The following USP7 variants were observed in gnomAD, a reference collection of about 807,000 sequenced individuals.
USP7 encodes the protein ubiquitin C-terminal hydrolase 7.
USP7 carries 9 observed loss-of-function variants against 162.9 expected under a neutral mutation model. The ratio of observed to expected loss-of-function variants is 0.06; its 90% CI spans 0.03 to 0.10. The LOEUF (loss-of-function observed/expected upper bound fraction) is 0.10, where lower values mean the gene tolerates loss of function less well. USP7 is among the 10% of genes least tolerant of loss of function. USP7 has a pLI of 1.00. For missense variants in USP7, 715 were observed against 1,373.7 expected (o/e 0.52, Z 7.58); for synonymous variants, 562 against 475.9 (o/e 1.18, Z -2.35).
In USP7 at chr16:8,921,097, G is replaced by T. The variant is rs1057500224; in HGVS notation, c.522+60C>A. The T allele has an allele frequency of 2.6e-6, 4 of 1,542,206 alleles. No homozygotes were observed. In the South Asian group the frequency reaches 5.0e-5, roughly 19 times the overall value. On this transcript the variant is annotated intron_variant, in intron 4 of 30. Coordinates refer to ENST00000344836, the MANE Select transcript of USP7 (RefSeq NM_003470.3). ...AATAAAGGACTTGAAAAATCAAAAAGTTAAGGGAACAACAAGCAGTAATGC... is the reference window on the plus strand; with the variant it reads ...AATAAAGGACTTGAAAAATCAAAAATTTAAGGGAACAACAAGCAGTAATGC...
At chr16:8,951,286 A>C (rs1195933084) in intron 1 of USP7, among the ~76,000 whole-genome samples, 1 of 152,300 alleles carries the variant, frequency 6.6e-6, no homozygotes, top group East Asian at 1.9e-4. Flanking sequence ...TAAGTCACCT[A>C]ATTTCCTTCA....
intron 2 of USP7, among the ~76,000 whole-genome samples, chr16:8,927,741 C>A (rs1898090984): frequency 6.6e-6 from 1 of 152,208 alleles, no homozygotes; most frequent in East Asian, 1.9e-4. Flanking sequence ...GAGGCTGAGG[C>A]AGAAGAATCG....
At chr16:8,925,983 T>C (rs1175524334) in intron 2 of USP7, among the ~76,000 whole-genome samples, 2 of 150,250 alleles carry the variant, frequency 1.3e-5, no homozygotes, top group Non-Finnish European at 3.0e-5. Context: ...TCAAACTCCA[T>C]CTCTACCAAA....
chr16:8,947,367 A>G (rs1899334343), intron 1 of USP7, among the ~76,000 whole-genome samples: 1 of 151,390 alleles, frequency 6.6e-6, no homozygotes, highest in African/African-American at 2.4e-5. Context: ...ACACACACAC[A>G]CACAGGGTCT....
chr16:8,962,247 C>A (rs1304465046), intron 1 of USP7, among the ~76,000 whole-genome samples: 1 of 152,222 alleles, frequency 6.6e-6, no homozygotes, highest in Admixed American at 6.5e-5. Context: ...TGACTCCCGA[C>A]AGCCTGAACT....
At chr16:8,902,030 G>C (rs2061782890) in intron 18 of USP7, 52 bp downstream of exon 18, 7 of 1,459,476 alleles carry the variant, frequency 4.8e-6, no homozygotes, top group Non-Finnish European at 3.8e-6. Context: ...CAACAATCCA[G>C]GAATCCAACG....
intron 1 of USP7, among the ~76,000 whole-genome samples, chr16:8,946,811 G>A (rs1899307112): frequency 6.6e-6 from 1 of 152,198 alleles, no homozygotes; most frequent in Non-Finnish European, 1.5e-5. Flanking sequence ...AGCAGCAGGC[G>A]TTTCCAACAA....
chr16:8,893,416 G>C lies in USP7; in HGVS notation c.*582C>G, dbSNP rs2061631950. The C allele has an allele frequency of 6.5e-6, 1 of 154,236 alleles. No individual in the cohort carries two copies. The highest frequency in any genetic ancestry group is 2.4e-5 in the African/African-American group (1 of 41,440). 9.6% of individuals were successfully genotyped at this position (154,236 alleles called of 1,614,324 possible). ...GGCTGCAGACAGTAGTGGCTGACGA[G>C]GTGAGACAAGTTTATTAAAAAGCCC... On this transcript the variant is annotated 3_prime_UTR_variant, in exon 31 of 31. Coordinates refer to ENST00000344836, the MANE Select transcript of USP7 (RefSeq NM_003470.3).
chr16:8,961,676 T>C (rs1258387828), intron 1 of USP7, among the ~76,000 whole-genome samples: 3 of 152,184 alleles, frequency 2.0e-5, no homozygotes, highest in Non-Finnish European at 2.9e-5. Flanking sequence ...GCTCGTGTTA[T>C]TGGATATTTG....
intron 22 of USP7, 100 bp downstream of exon 22, chr16:8,899,504 G>T: frequency 1.3e-6 from 2 of 1,488,150 alleles, no homozygotes; most frequent in South Asian, 1.3e-5. Flanking sequence ...AGCCCCTTCT[G>T]AACCAAAACC....
intron 18 of USP7, 69 bp downstream of exon 18, chr16:8,902,013 T>C: frequency 7.5e-7 from 1 of 1,339,222 alleles, no homozygotes; most frequent in Non-Finnish European, 1.1e-6. Flanking sequence ...ACCCTGTGTG[T>C]TTAGAACAAC....
At chr16:8,906,855 G>T (rs189585123) in intron 12 of USP7, among the ~76,000 whole-genome samples, 1 of 152,298 alleles carries the variant, frequency 6.6e-6, no homozygotes, top group East Asian at 1.9e-4. Context: ...GACTACTAAG[G>T]ATATCTGCAA....
At chr16:8,942,149 G>A (rs1899075617) in intron 1 of USP7, among the ~76,000 whole-genome samples, 1 of 152,244 alleles carries the variant, frequency 6.6e-6, no homozygotes, top group South Asian at 2.1e-4. Context: ...AAGCTATGGA[G>A]GGCCTTGAAG....
chr16:8,932,023 C>T (rs145647422), intron 1 of USP7, among the ~76,000 whole-genome samples: 201 of 152,258 alleles, frequency 1.3e-3, no homozygotes, highest in African/African-American at 4.4e-3. Context: ...AACCAGCAAG[C>T]AATCTGATTC....
intron 1 of USP7, among the ~76,000 whole-genome samples, chr16:8,934,773 T>A (rs2447933): frequency 1.3e-5 from 2 of 152,070 alleles, no homozygotes. Flanking sequence ...GGGCCACTGG[T>A]TGGCCACCGA....
Position 8,903,385 on chromosome 16 carries a change from C to G in USP7, c.1722G>C (p.Gln574His). 6.2e-7 allele frequency: 1 copy of G among 1,613,990 alleles called. No homozygotes were observed. Among genetic ancestry groups the G allele is most frequent in the Non-Finnish European group, 8.5e-7 (1 of 1,179,922 alleles). The change falls in exon 16 of 31, where the codon CAG becomes CAC. Residue 574 changes from glutamine to histidine, a missense_variant. Around this residue, in one of 11 missense-constraint regions of USP7, gnomAD observed 197 missense variants for 306.5 expected, o/e 0.64. Transcript: ENST00000344836. ...YMQVQIVAED[Q>H]FCGHQGNDMY... ...TGTCATTCCCTTGGTGGCCACAAAA[C>G]TGGTCCTCTGCGACTATCTGAAAAT...
chr16:8,936,347 T>C (rs1898722488), intron 1 of USP7, among the ~76,000 whole-genome samples: 2 of 152,174 alleles, frequency 1.3e-5, no homozygotes, highest in South Asian at 4.1e-4. Context: ...GGGTTCTGCA[T>C]GGTCCTCTCT....
rs2061902087 is a variant in USP7, at chr16:8,909,000, T to C, written c.1162-550A>G. Among the ~76,000 whole-genome samples, 3 of 152,238 alleles carry C rather than the reference T, an allele frequency of 2.0e-5. No individual in the cohort carries two copies. In the South Asian group the frequency reaches 6.2e-4, roughly 31 times the overall value. On this transcript the variant is annotated intron_variant, in intron 11 of 30. Transcript: ENST00000344836. ...ATATCACAGGGCACGCCCTTAGGGC[T>C]TATGGTTCAATCCCACTTCTAAGAA...
In USP7 at chr16:8,963,508, G is replaced by C. The variant is rs1189203983; in HGVS notation, c.-223C>G. On this transcript the variant is annotated 5_prime_UTR_variant, in exon 1 of 31. Coordinates refer to ENST00000344836, the MANE Select transcript of USP7 (RefSeq NM_003470.3). ...ACTTGCTCGCGATTCGCCCAATCTC[G>C]GCGCCGAGGCGGGCGGGCGGCCGGC... 1.4e-5 allele frequency: 2 copies of C among 140,920 alleles called. No homozygotes were observed. Among genetic ancestry groups the C allele is most frequent in the African/African-American group, 2.5e-5 (1 of 39,296 alleles). 8.7% of individuals were successfully genotyped at this position (140,920 alleles called of 1,614,324 possible). A position where few individuals can be genotyped will look rare whatever the true frequency, so the allele number is the denominator to read the frequency against.
Sources: gnomAD v4.1 joint callset for allele counts (sites outside exome capture counted in the v4.1 genomes callset) on GRCh38, gnomAD v4.1.1 for gene constraint, gnomAD v4.1.1 regional missense constraint, MANE v1.5 for transcripts, NCBI Gene and HGNC (gene_info 2026-07-23, HGNC 2026-07-21) for gene names.